The following HSD17B12 variants were observed in gnomAD, a reference collection of about 807,000 sequenced individuals.
The protein encoded by HSD17B12 is hydroxysteroid 17-beta dehydrogenase 12.
HSD17B12 carries 32 observed loss-of-function variants against 39.3 expected under a neutral mutation model. The ratio of observed to expected loss-of-function variants is 0.81; its 90% CI spans 0.61 to 1.09. HSD17B12 has a LOEUF of 1.09. Among genes scored for constraint, HSD17B12 ranks in the 50% least tolerant of loss-of-function variants. HSD17B12 has a pLI of 0.00. For missense variants in HSD17B12, 342 were observed against 382.9 expected, an observed-to-expected ratio of 0.89 and a Z score of 0.89; for synonymous variants, 150 against 146.7, an observed-to-expected ratio of 1.02 and a Z score of -0.16.
At chr11:43,719,778 G>T (rs1950159680) in intron 1 of HSD17B12, among the ~76,000 whole-genome samples, 2 of 151,906 alleles carry the variant, frequency 1.3e-5, no homozygotes, top group African/African-American at 4.8e-5. Context: ...GGTCATATTT[G>T]TAGCTGAGTA....
chr11:43,792,495 T>G (rs889480703), intron 3 of HSD17B12, among the ~76,000 whole-genome samples: 2 of 152,106 alleles, frequency 1.3e-5, no homozygotes, highest in Non-Finnish European at 2.9e-5. Context: ...TAAGGGAGAT[T>G]GGTACATGAC....
At chr11:43,719,012 G>C (rs773725566) in intron 1 of HSD17B12, 1 of 980,418 alleles carries the variant, frequency 1.0e-6, no homozygotes, top group Non-Finnish European at 1.6e-6. Context: ...CAAAAAGGCT[G>C]TGAAGAAGCT....
In HSD17B12 at chr11:43,831,105, A is replaced by G; in HGVS notation, c.536+95A>G. On this transcript the variant is annotated intron_variant, in intron 7 of 10. Transcript: ENST00000278353. The surrounding 1 kb of genome is among the most constrained non-coding windows in gnomAD (Gnocchi z 4.1). ...CTTTGAAAAAATCACTGAAGTGACTAATGAACCAAGCCTCCATGTCTTAGC... is the reference window on the plus strand; with the variant it reads ...CTTTGAAAAAATCACTGAAGTGACTGATGAACCAAGCCTCCATGTCTTAGC... The G allele has an allele frequency of 2.6e-6, 3 of 1,169,022 alleles. No homozygotes were observed. Among genetic ancestry groups the G allele is most frequent in the Non-Finnish European group, 3.7e-6 (3 of 808,168 alleles). The allele number at this position is 1,169,022 out of a possible 1,614,324, so 72.4% of individuals were successfully genotyped here.
chr11:43,624,691 C>T, the HSD17B12 span, among the ~76,000 whole-genome samples: 1 of 151,568 alleles, frequency 6.6e-6, no homozygotes, highest in African/African-American at 2.4e-5. Context: ...CTTTTGAAAA[C>T]ATTTTGAAAA....
At chr11:43,650,399 A>G in the HSD17B12 span, among the ~76,000 whole-genome samples, 1 of 152,312 alleles carries the variant, frequency 6.6e-6, no homozygotes, top group East Asian at 1.9e-4. Flanking sequence ...AGGAATTAAG[A>G]TTAGAGCAAC....
intron 1 of HSD17B12, among the ~76,000 whole-genome samples, chr11:43,720,618 A>G (rs560968764): frequency 1.4e-4 from 22 of 152,338 alleles, no homozygotes; most frequent in Admixed American, 1.3e-3. Flanking sequence ...AGCAAGTCGC[A>G]TATCCAAGGA....
At chr11:43,815,569 C>T in intron 5 of HSD17B12, 68 bp downstream of exon 5, 1 of 950,200 alleles carries the variant, frequency 1.1e-6, no homozygotes. Flanking sequence ...ATGATTCACA[C>T]TATGACACTG....
At chr11:43,644,580 C>G in the HSD17B12 span, 3 of 152,448 alleles carry the variant, frequency 2.0e-5, no homozygotes, top group African/African-American at 7.2e-5. Flanking sequence ...AGCTTGCATC[C>G]TCCACTGTTC....
At chr11:43,825,514 A>AATGC (rs1423184369) in intron 6 of HSD17B12, among the ~76,000 whole-genome samples, 1 of 152,212 alleles carries the variant, frequency 6.6e-6, no homozygotes. Flanking sequence ...TTATGTTAAG[A>AATGC]ATGCATCCGG....
rs569988582 is a variant in HSD17B12 at position 43,721,069 on chromosome 11, GT to G, written c.161-29834del. Among the ~76,000 whole-genome samples, 23 of 151,592 alleles carry G rather than the reference GT, an allele frequency of 1.5e-4. No individual in the cohort carries two copies. The East Asian group carries it at 4.1e-3, about 27-fold the overall frequency. ...CTGCAGATTACTAATTTATATGTTA[GT>G]TTTTTTTAAGGGAATATGGTGATGA... is the stretch of plus-strand genomic sequence containing the variant. On this transcript the variant is annotated intron_variant, in intron 1 of 10. Transcript: ENST00000278353.
intron 3 of HSD17B12, among the ~76,000 whole-genome samples, chr11:43,760,224 A>AT (rs1442867361): frequency 4.0e-5 from 6 of 151,252 alleles, no homozygotes; most frequent in Non-Finnish European, 7.4e-5. Flanking sequence ...TTTTTCTTGT[A>AT]TTTTTCGCAG....
chr11:43,691,976 A>G (rs926726678), intron 1 of HSD17B12, among the ~76,000 whole-genome samples: 6 of 152,130 alleles, frequency 3.9e-5, no homozygotes, highest in Admixed American at 6.5e-5. Flanking sequence ...CAGAGTGTCA[A>G]TTGTGACTTT....
At chr11:43,653,399 T>C in the HSD17B12 span, among the ~76,000 whole-genome samples, 2 of 152,190 alleles carry the variant, frequency 1.3e-5, no homozygotes, top group East Asian at 3.9e-4. Context: ...AAAAATTTCT[T>C]TTTTTCTTAT....
At chr11:43,727,252 A>G (rs545186922) in intron 1 of HSD17B12, among the ~76,000 whole-genome samples, 1 of 152,336 alleles carries the variant, frequency 6.6e-6, no homozygotes, top group Non-Finnish European at 1.5e-5. Flanking sequence ...GGTAGATTCC[A>G]TCAGAAAATG....
At chr11:43,721,886 T>A (rs1950179736) in intron 1 of HSD17B12, among the ~76,000 whole-genome samples, 1 of 152,172 alleles carries the variant, frequency 6.6e-6, no homozygotes, top group Non-Finnish European at 1.5e-5. Context: ...TGTCTGTAGC[T>A]GCTGTGTGGT....
At chr11:43,781,402 A>C (rs1329519042) in intron 3 of HSD17B12, among the ~76,000 whole-genome samples, 1 of 152,206 alleles carries the variant, frequency 6.6e-6, no homozygotes, top group Non-Finnish European at 1.5e-5. Flanking sequence ...TTTTTAGAGA[A>C]AGTCTGGTCT....
At chr11:43,838,905 C>T (rs192087208) in intron 8 of HSD17B12, among the ~76,000 whole-genome samples, 6 of 152,198 alleles carry the variant, frequency 3.9e-5, no homozygotes, top group African/African-American at 1.2e-4. Flanking sequence ...TATTCTTTGT[C>T]ACTTTTGGGG....
intron 3 of HSD17B12, among the ~76,000 whole-genome samples, chr11:43,794,564 A>C (rs943586098): frequency 2.0e-5 from 3 of 152,236 alleles, no homozygotes; most frequent in Non-Finnish European, 2.9e-5. Context: ...TAAACAGACT[A>C]TACTTCTGGA....
chr11:43,613,671 AT>A, the HSD17B12 span, among the ~76,000 whole-genome samples: 6,709 of 144,668 alleles, frequency 0.046, 231 homozygotes, highest in South Asian at 0.11. Context: ...CCTTCCATGA[AT>A]TTTTTTTTTT....
Sources: allele counts gnomAD v4.1 joint callset (sites outside exome capture counted in the v4.1 genomes callset), GRCh38; gene constraint gnomAD v4.1.1; non-coding constraint Gnocchi (gnomAD v3.1); transcripts MANE v1.5; gene names NCBI Gene and HGNC (gene_info 2026-07-23, HGNC 2026-07-21).